The following TMEM18 variants were observed in gnomAD, a reference collection of about 807,000 sequenced individuals.
The protein encoded by TMEM18 is transmembrane protein 18.
In TMEM18, 14 loss-of-function variants were observed where a neutral mutation model predicts 17.4. The observed-to-expected ratio is 0.80, with a 90% CI of 0.53 to 1.25. The LOEUF is 1.25. TMEM18 is among the 50% of genes most tolerant of loss of function. The pLI, the probability that TMEM18 is intolerant of heterozygous loss-of-function variation, is 0.00. For synonymous variants in TMEM18, 86 were observed against 66.1 expected (o/e 1.30, Z -1.46); for missense variants, 187 against 172.1 (o/e 1.09, Z -0.48).
At chr2:676,417 T>C (rs1201446161) in intron 1 of TMEM18, 4 of 1,336,146 alleles carry the variant, frequency 3.0e-6, no homozygotes, top group East Asian at 2.6e-5. Flanking sequence ...CGCCCTGCCC[T>C]CCAAGCTGCA....
At position 677,361 on chromosome 2, in the gene TMEM18, G is replaced by A. The variant is rs13394567; in HGVS notation, c.-16C>T. On this transcript the variant is annotated 5_prime_UTR_variant, in exon 1 of 5. Coordinates refer to ENST00000281017, the MANE Select transcript of TMEM18 (RefSeq NM_152834.4). ...CGGACGGCATGGTGTTGGGAAGCCC[G>A]CTCTCACAGCAACCGCCGAACCCGG... 6.0e-4 allele frequency: 961 copies of A among 1,609,598 alleles called. 12 individuals are homozygous for A. The African/African-American group carries it at 0.011, about 18-fold the overall frequency.
chr2:675,726 C>T (rs1221733019), intron 1 of TMEM18, 96 bp from the exon 2 acceptor site: 1 of 1,550,482 alleles, frequency 6.4e-7, no homozygotes, highest in East Asian at 2.4e-5. Flanking sequence ...AGGCAGGGGC[C>T]TCTCACTCCT....
intron 1 of TMEM18, chr2:676,053 C>T (rs1678995695): frequency 7.6e-7 from 1 of 1,319,510 alleles, no homozygotes; most frequent in South Asian, 1.2e-5. Flanking sequence ...ATGCACTTGG[C>T]TCAGCCCCAA....
At position 677,276 on chromosome 2, in the gene TMEM18, G is replaced by T; in HGVS notation, c.57+13C>A. 6.2e-7 allele frequency: 1 copy of T among 1,609,156 alleles called. No individual in the cohort carries two copies. On this transcript the variant is annotated intron_variant, in intron 1 of 4. Coordinates refer to ENST00000281017, the MANE Select transcript of TMEM18 (RefSeq NM_152834.4). ...CCTCCCCCGAACTGGTGGTTACGCG[G>T]GCCGCGAGTTACCGTGAGCACGGCT...
At chr2:677,222 G>A in intron 1 of TMEM18, 67 bp downstream of exon 1, 4 of 1,554,732 alleles carry the variant, frequency 2.6e-6, no homozygotes, top group Admixed American at 1.9e-5. Flanking sequence ...CGGGTGCTCT[G>A]TGGGGCCTAC....
At chr2:673,338 C>A (rs962995479) in intron 2 of TMEM18, among the ~76,000 whole-genome samples, 1 of 152,080 alleles carries the variant, frequency 6.6e-6, no homozygotes, top group Non-Finnish European at 1.5e-5. Flanking sequence ...GGGGAGCGAA[C>A]AGCTTTGGGG....
intron 2 of TMEM18, among the ~76,000 whole-genome samples, chr2:674,582 CACCCTCAATACA>C (rs1678945796): frequency 6.6e-6 from 1 of 152,204 alleles, no homozygotes; most frequent in Admixed American, 6.5e-5. Context: ...CTCCTCAGGG[CACCCTCAATACA>C]GAGCTTGCTC....
rs1023750117 is a variant in TMEM18, at chr2:665,440, T to C, written c.*4140A>G. 8.0e-5 allele frequency among the ~76,000 whole-genome samples: 12 copies of C among 149,830 alleles called. No homozygotes were observed. The highest frequency in any genetic ancestry group is 2.7e-4 in the African/African-American group (11 of 40,248). The stretch of plus-strand genomic sequence containing the variant: ...CCCCACATACAACAGGACCCAGAGA[T>C]GCAGATGCTCCACTCACTCAGATAG... On this transcript the variant is annotated 3_prime_UTR_variant, in exon 5 of 5. Transcript: ENST00000281017.
chr2:673,000 AT>A, intron 2 of TMEM18, 138 bp from the exon 3 acceptor site: 1 of 834,236 alleles, frequency 1.2e-6, no homozygotes, highest in South Asian at 2.1e-5. Context: ...ACATCCTAAC[AT>A]TGTCAAGTCG....
chr2:669,975 T>G lies in TMEM18; in HGVS notation c.234-125A>C, dbSNP rs73908198. On this transcript the variant is annotated intron_variant, in intron 3 of 4. Coordinates refer to ENST00000281017, the MANE Select transcript of TMEM18 (RefSeq NM_152834.4). ...ACTGAGGTGGGAGCAACACCCTCAC[T>G]GGGCCCACCCTTGGGAGCAGCGGTA... 4.6e-3 allele frequency: 3,197 copies of G among 696,344 alleles called. 72 individuals carry two copies. In the African/African-American group the frequency reaches 0.049, roughly 11 times the overall value. 43.1% of individuals were successfully genotyped at this position (696,344 alleles called of 1,614,324 possible).
intron 1 of TMEM18, 35 bp from the exon 2 acceptor site, chr2:675,665 G>C: frequency 6.2e-7 from 1 of 1,609,810 alleles, no homozygotes; most frequent in East Asian, 2.2e-5. Flanking sequence ...TCACTGTCCT[G>C]CCACTCAAGG....
chr2:670,476 G>C (rs559775857), intron 3 of TMEM18: 1 of 152,812 alleles, frequency 6.5e-6, no homozygotes, highest in African/African-American at 2.4e-5. Flanking sequence ...AGCCAGCACA[G>C]GAAATGCCAT....
chr2:674,505 T>C (rs1678942724), intron 2 of TMEM18, among the ~76,000 whole-genome samples: 1 of 152,226 alleles, frequency 6.6e-6, no homozygotes, highest in African/African-American at 2.4e-5. Flanking sequence ...GATGAATCAC[T>C]GGTGCTGGTG....
chr2:669,521 G>A lies in TMEM18; in HGVS notation c.*59C>T, dbSNP rs1222238895. On this transcript the variant is annotated 3_prime_UTR_variant, in exon 5 of 5. Transcript: ENST00000281017. ...GGATGCCCACGCCACGCACACTGCA[G>A]CACTGGGAGCTGCACTGGGTGGACG... 9.7e-5 allele frequency: 150 copies of A among 1,553,934 alleles called. No individual in the cohort carries two copies. Among genetic ancestry groups the A allele is most frequent in the Non-Finnish European group, 1.3e-4 (147 of 1,127,642 alleles).
intron 1 of TMEM18, chr2:676,011 C>T (rs930515258): frequency 6.1e-6 from 8 of 1,304,646 alleles, no homozygotes; most frequent in East Asian, 5.1e-5. Context: ...TAATTGGTGA[C>T]GACAAGGAAA....
In TMEM18 at chr2:675,617, G is replaced by C. The variant is rs1288144642; in HGVS notation, c.71C>G (p.Thr24Ser). ...IPAVLTQTDW[T>S]EPWLMGLATF... The stretch of plus-strand genomic sequence containing the variant: ...GGCCAGCCCCATGAGCCAGGGCTCA[G>C]TCCAGTCCGTCTGCTGTAGGAACAC... The change falls in exon 2 of 5, where the codon ACT becomes AGT. Residue 24 changes from threonine to serine, a missense_variant. Transcript: ENST00000281017. The C allele has an allele frequency of 6.2e-7, 1 of 1,614,082 alleles. No individual in the cohort carries two copies. Among genetic ancestry groups the C allele is most frequent in the Non-Finnish European group, 8.5e-7 (1 of 1,180,020 alleles).
chr2:667,758 A>G lies in TMEM18; in HGVS notation c.*1822T>C, dbSNP rs1309617955. 1 of 152,256 alleles carries G rather than the reference A, an allele frequency of 6.6e-6. No homozygotes were observed. The highest frequency in any genetic ancestry group is 1.5e-5 in the Non-Finnish European group (1 of 68,044). 9.4% of individuals were successfully genotyped at this position (152,256 alleles called of 1,614,324 possible). A position where few individuals can be genotyped will look rare whatever the true frequency, so the allele number is the denominator to read the frequency against. On this transcript the variant is annotated 3_prime_UTR_variant, in exon 5 of 5. Coordinates refer to ENST00000281017, the MANE Select transcript of TMEM18 (RefSeq NM_152834.4). ...TATAACTGTTCCAAAACACAGACAC[A>G]CACATGCAGAATGAAAATCAAAGAC...
At position 668,386 on chromosome 2, in the gene TMEM18, T is replaced by C. The variant is rs1219086836; in HGVS notation, c.*1194A>G. 6.6e-6 allele frequency: 1 copy of C among 152,246 alleles called. No homozygotes were observed. The highest frequency in any genetic ancestry group is 1.5e-5 in the Non-Finnish European group (1 of 68,046). 9.4% of individuals were successfully genotyped at this position (152,246 alleles called of 1,614,324 possible). A position where few individuals can be genotyped will look rare whatever the true frequency, so the allele number is the denominator to read the frequency against. On this transcript the variant is annotated 3_prime_UTR_variant, in exon 5 of 5. Coordinates refer to ENST00000281017, the MANE Select transcript of TMEM18 (RefSeq NM_152834.4). ...TCTACACAACGGCCCTGGACAATGC[T>C]ACAGGGAGGACACATTACCTTAATC...
chr2:673,936 C>T lies in TMEM18; in HGVS notation c.179-1074G>A, dbSNP rs190618772. On this transcript the variant is annotated intron_variant, in intron 2 of 4. Transcript: ENST00000281017. ...GAGGGTGGTAGGCACGGGAGGAAGG[C>T]GGGCAGGGAGGGTGTCACCAGGTGC... is the stretch of plus-strand genomic sequence containing the variant. Among the ~76,000 whole-genome samples the T allele has an allele frequency of 2.0e-4, 31 of 151,836 alleles. No individual in the cohort carries two copies. In the South Asian group the frequency reaches 2.1e-3, roughly 10 times the overall value.
Sources: allele counts gnomAD v4.1 joint callset (sites outside exome capture counted in the v4.1 genomes callset), GRCh38; gene constraint gnomAD v4.1.1; transcripts MANE v1.5; gene names NCBI Gene and HGNC (gene_info 2026-07-23, HGNC 2026-07-21).